Variants in SNTG1 observed in about 807,000 individuals in gnomAD.
SNTG1 encodes syntrophin gamma 1.
SNTG1 carries 39 observed loss-of-function variants against 74.7 expected under a neutral mutation model. The observed-to-expected ratio is 0.52, with a 90% CI of 0.40 to 0.68. SNTG1 has a LOEUF of 0.68. SNTG1 is among the 30% of genes least tolerant of loss of function. The pLI is 0.00. For missense variants in SNTG1, 685 were observed against 609.5 expected, an observed-to-expected ratio of 1.12 and a Z score of -1.30; for synonymous variants, 254 against 217.1, an observed-to-expected ratio of 1.17 and a Z score of -1.49.
intron 1 of SNTG1, among the ~76,000 whole-genome samples, chr8:49,981,066 G>C (rs1812634710): frequency 1.3e-5 from 2 of 152,160 alleles, no homozygotes; most frequent in Non-Finnish European, 2.9e-5. Context: ...GCAGATGAGT[G>C]TCTAACATCT....
Position 50,708,585 on chromosome 8 carries a change from C to T in SNTG1, c.1192-301C>T, listed in dbSNP as rs1182761549. The T allele has an allele frequency of 1.8e-5, 5 of 279,986 alleles. No homozygotes were observed. The East Asian group carries it at 3.2e-4, about 18-fold the overall frequency. The allele number at this position is 279,986 out of a possible 1,614,324, so 17.3% of individuals were successfully genotyped here. ...CACCTAAAACTTTTTATATTATATA[C>T]CACCTTTATTGTCAACACAGCAAAG... On this transcript the variant is annotated intron_variant, in intron 16 of 18. Transcript: ENST00000642720.
chr8:50,685,219 T>C (rs2095347490), intron 15 of SNTG1, among the ~76,000 whole-genome samples: 1 of 152,162 alleles, frequency 6.6e-6, no homozygotes, highest in Admixed American at 6.5e-5. Context: ...GAAAATAACC[T>C]TGCTTTTCCT....
intron 2 of SNTG1, among the ~76,000 whole-genome samples, chr8:50,324,654 C>T (rs1194169497): frequency 6.6e-6 from 1 of 151,892 alleles, no homozygotes; most frequent in Non-Finnish European, 1.5e-5. Flanking sequence ...TAGGATATGC[C>T]TTTTGAAAAT....
intron 13 of SNTG1, among the ~76,000 whole-genome samples, chr8:50,642,248 C>G (rs564677672): frequency 8.5e-5 from 13 of 152,278 alleles, no homozygotes; most frequent in African/African-American, 2.9e-4. Context: ...AAAGCCTTCC[C>G]TGCTGCCAAT....
intron 2 of SNTG1, among the ~76,000 whole-genome samples, chr8:50,293,350 CTCT>C: frequency 6.6e-6 from 1 of 151,600 alleles, no homozygotes; most frequent in East Asian, 1.9e-4. Flanking sequence ...GTGTCCTAAT[CTCT>C]TCTTATATAG....
At chr8:50,539,847 A>G (rs145358988) in intron 11 of SNTG1, among the ~76,000 whole-genome samples, 45 of 152,314 alleles carry the variant, frequency 3.0e-4, no homozygotes, top group Admixed American at 5.2e-4. Context: ...GGATTTGGGC[A>G]GGTATTGCCA....
At chr8:50,429,621 G>GA (rs1403268865) in intron 4 of SNTG1, among the ~76,000 whole-genome samples, 3 of 152,170 alleles carry the variant, frequency 2.0e-5, no homozygotes, top group East Asian at 1.9e-4. Flanking sequence ...ACAAAACACA[G>GA]AAAAAACAGA....
At chr8:50,298,236 TAAGTATTTATATTTC>T (rs1377905565) in intron 2 of SNTG1, among the ~76,000 whole-genome samples, 4 of 152,134 alleles carry the variant, frequency 2.6e-5, no homozygotes, top group Non-Finnish European at 5.9e-5. Flanking sequence ...GTTATCTGCC[TAAGTATTTATATTTC>T]AAGAAGTAAT....
intron 11 of SNTG1, among the ~76,000 whole-genome samples, chr8:50,552,418 T>A (rs992302248): frequency 1.3e-5 from 2 of 152,202 alleles, no homozygotes; most frequent in Admixed American, 6.6e-5. Context: ...GATCATAGCA[T>A]TTTAAGAAAA....
At chr8:50,542,698 A>T (rs1319952910) in intron 11 of SNTG1, among the ~76,000 whole-genome samples, 1 of 152,212 alleles carries the variant, frequency 6.6e-6, no homozygotes, top group African/African-American at 2.4e-5. Context: ...GTACTAATTT[A>T]CATTTTCACC....
At chr8:50,398,969 G>A (rs1184264649) in intron 3 of SNTG1, among the ~76,000 whole-genome samples, 3 of 152,096 alleles carry the variant, frequency 2.0e-5, no homozygotes, top group Non-Finnish European at 2.9e-5. Flanking sequence ...AAATAGTTAC[G>A]AATACTATGA....
intron 4 of SNTG1, among the ~76,000 whole-genome samples, chr8:50,407,705 A>G (rs2092897357): frequency 1.3e-5 from 2 of 152,220 alleles, no homozygotes; most frequent in Admixed American, 6.5e-5. Context: ...GTATTGCATT[A>G]GATGAAGAGT....
At chr8:50,759,040 A>G (rs989793847) in intron 18 of SNTG1, among the ~76,000 whole-genome samples, 21 of 152,054 alleles carry the variant, frequency 1.4e-4, no homozygotes, top group African/African-American at 4.6e-4. Context: ...TGTGGTTTTG[A>G]TTTGCATTTC....
intron 2 of SNTG1, among the ~76,000 whole-genome samples, chr8:50,250,508 G>T (rs538708977): frequency 6.6e-6 from 1 of 152,120 alleles, no homozygotes; most frequent in South Asian, 2.1e-4. Flanking sequence ...TCTTTCCAAA[G>T]CACATTATAA....
chr8:49,996,051 G>C (rs1814181058), intron 1 of SNTG1, among the ~76,000 whole-genome samples: 1 of 152,040 alleles, frequency 6.6e-6, no homozygotes. Flanking sequence ...TTAGAAATTA[G>C]TTACTGTAAA....
At chr8:50,510,351 A>T (rs2094057633) in intron 9 of SNTG1, among the ~76,000 whole-genome samples, 1 of 152,152 alleles carries the variant, frequency 6.6e-6, no homozygotes, top group African/African-American at 2.4e-5. Context: ...ATCGATGTTC[A>T]TGAGGGATAT....
chr8:50,591,694 A>G (rs2130878693), intron 13 of SNTG1, among the ~76,000 whole-genome samples: 1 of 152,346 alleles, frequency 6.6e-6, no homozygotes. Flanking sequence ...AAATTGTATC[A>G]TTAATGATGC....
At position 50,792,637 on chromosome 8, in the gene SNTG1, T is replaced by C. The variant is rs779583610; in HGVS notation, c.1396-34T>C. The C allele has an allele frequency of 7.0e-6, 11 of 1,560,656 alleles. No homozygotes were observed. The East Asian group carries it at 2.5e-4, about 35-fold the overall frequency. ...ATAAATTTTTAAAGACATTAATTTTTATGTTATCTGACCTGTTTCTCTTTC... is the reference window on the plus strand; with the variant it reads ...ATAAATTTTTAAAGACATTAATTTTCATGTTATCTGACCTGTTTCTCTTTC... On this transcript the variant is annotated intron_variant, in intron 18 of 18. Coordinates refer to ENST00000642720, the MANE Select transcript of SNTG1 (RefSeq NM_018967.5).
chr8:50,650,926 C>A (rs2095141319), intron 13 of SNTG1, among the ~76,000 whole-genome samples: 1 of 152,160 alleles, frequency 6.6e-6, no homozygotes, highest in East Asian at 1.9e-4. Flanking sequence ...GTCTCGAACT[C>A]TTGACCTCAA....
Sources: allele counts gnomAD v4.1 joint callset (sites outside exome capture counted in the v4.1 genomes callset), GRCh38; gene constraint gnomAD v4.1.1; transcripts MANE v1.5; gene names NCBI Gene and HGNC (gene_info 2026-07-23, HGNC 2026-07-21).